The following TMEM131 variants were observed in gnomAD, a reference collection of about 807,000 sequenced individuals.
TMEM131 encodes 2610524E03Rik.
TMEM131 carries 66 observed loss-of-function variants against 211.6 expected under a neutral mutation model. That is an observed-to-expected ratio of 0.31 (90% confidence interval 0.26 to 0.38). The LOEUF (loss-of-function observed/expected upper bound fraction) is 0.38, where lower values mean the gene tolerates loss of function less well. Ranked by LOEUF, TMEM131 falls within the 10% of genes least tolerant of loss-of-function variation. The pLI, the probability that TMEM131 is intolerant of heterozygous loss-of-function variation, is 1.00. For missense variants in TMEM131, 2,036 were observed against 2,299.3 expected, an observed-to-expected ratio of 0.89 and a Z score of 2.34; for synonymous variants, 844 against 841.3, an observed-to-expected ratio of 1.00 and a Z score of -0.06.
intron 31 of TMEM131, among the ~76,000 whole-genome samples, chr2:97,789,341 C>T (rs974901608): frequency 5.3e-5 from 8 of 152,218 alleles, no homozygotes; most frequent in Non-Finnish European, 1.2e-4. Flanking sequence ...AGACCAAGTT[C>T]CTAACAGATG....
intron 1 of TMEM131, among the ~76,000 whole-genome samples, chr2:97,946,158 C>G (rs1199311397): frequency 1.3e-5 from 2 of 151,704 alleles, no homozygotes; most frequent in East Asian, 3.8e-4. Context: ...TATATCCATA[C>G]AGTTATCTAT....
intron 4 of TMEM131, among the ~76,000 whole-genome samples, chr2:97,872,404 C>T (rs1436312618): frequency 6.6e-6 from 1 of 152,158 alleles, no homozygotes; most frequent in East Asian, 1.9e-4. Context: ...TCTCTCGGAG[C>T]TAGTGAGAAG....
chr2:97,772,789 T>C (rs1037739490), intron 32 of TMEM131, among the ~76,000 whole-genome samples: 23 of 152,168 alleles, frequency 1.5e-4, no homozygotes, highest in Admixed American at 1.3e-4. Flanking sequence ...CCCAGCTACT[T>C]GGGAGGCTGA....
chr2:97,797,424 A>G lies in TMEM131; in HGVS notation c.2811T>C (p.Ser937=), dbSNP rs1014978734. The G allele has an allele frequency of 1.2e-6, 2 of 1,612,868 alleles. No individual in the cohort carries two copies. Among genetic ancestry groups the G allele is most frequent in the East Asian group, 4.5e-5 (2 of 44,852 alleles). Residue 937 remains serine, a synonymous_variant, in exon 26 of 41, where the codon TCT becomes TCC. Transcript: ENST00000186436. ...NLILKPGEKK[S]VKVKFTPVHN... is the part of the protein sequence containing the mutation. ...GAACTGGAGTAAACTTTACTTTGAC[A>G]GATTTCTTTTCTCCAGGTTTTAAAA...
chr2:97,956,543 G>A (rs1678574131), intron 1 of TMEM131, among the ~76,000 whole-genome samples: 2 of 151,494 alleles, frequency 1.3e-5, no homozygotes, highest in South Asian at 2.1e-4. Flanking sequence ...CTCCAAAGTG[G>A]TAAAAGAAAA....
intron 32 of TMEM131, 132 bp from the exon 33 acceptor site, chr2:97,772,556 C>T (rs1161158381): frequency 2.8e-6 from 3 of 1,087,970 alleles, no homozygotes; most frequent in Non-Finnish European, 2.6e-6. Flanking sequence ...AAACTCGTTT[C>T]TTCAAATCTG....
chr2:97,896,664 C>T (rs1366658622), intron 3 of TMEM131, among the ~76,000 whole-genome samples: 1 of 152,124 alleles, frequency 6.6e-6, no homozygotes, highest in Non-Finnish European at 1.5e-5. Flanking sequence ...TCTGTTTCAT[C>T]AGAGACTAGG....
At chr2:97,796,081 C>A in intron 28 of TMEM131, 137 bp downstream of exon 28, 4 of 530,554 alleles carry the variant, frequency 7.5e-6, no homozygotes, top group South Asian at 3.7e-5. Context: ...GAAGAAATAC[C>A]TTAGCCAAAG....
At chr2:97,780,101 A>G (rs947227285) in intron 31 of TMEM131, among the ~76,000 whole-genome samples, 22 of 152,160 alleles carry the variant, frequency 1.4e-4, no homozygotes, top group African/African-American at 4.6e-4. Context: ...CCTGGCTTTT[A>G]GGTATAAATT....
At chr2:97,988,337 G>C (rs1433174197) in intron 1 of TMEM131, among the ~76,000 whole-genome samples, 1 of 152,098 alleles carries the variant, frequency 6.6e-6, no homozygotes, top group Non-Finnish European at 1.5e-5. Context: ...CGAAACATAA[G>C]ACCCAAAACT....
intron 36 of TMEM131, 173 bp from the exon 37 acceptor site, chr2:97,761,087 CAGAGAT>C (rs1678815649): frequency 2.6e-6 from 2 of 760,776 alleles, no homozygotes; most frequent in Non-Finnish European, 4.2e-6. Context: ...CTTAATCAGA[CAGAGAT>C]AGAGGGCTTT....
At position 97,814,371 on chromosome 2, in the gene TMEM131, T is replaced by C. The variant is rs747825428; in HGVS notation, c.1310A>G (p.His437Arg). Residue 437 changes from histidine to arginine, a missense_variant, in exon 14 of 41, where the codon CAT (histidine) becomes CGT (arginine). Coordinates refer to ENST00000186436, the MANE Select transcript of TMEM131 (RefSeq NM_015348.2). ...TCGGATGTGAAATAATGTTGCAGCA[T>C]GATCAAATCCCAAATAACTATTAAA... ...EVLDGYLGFD[H>R]AATLFHIRDS... 7 of 1,606,650 alleles carry C rather than the reference T, an allele frequency of 4.4e-6. No individual in the cohort carries two copies. Among genetic ancestry groups the C allele is most frequent in the South Asian group, 3.4e-5 (3 of 89,178 alleles).
Position 97,854,126 on chromosome 2 carries a change from G to A in TMEM131, c.483+5178C>T, listed in dbSNP as rs189245972. ...TGTCTTATTTTAAGCAACTGTCACG[G>A]CCATCCCAACCTTCAGCAACCACTA... On this transcript the variant is annotated intron_variant, in intron 5 of 40. Coordinates refer to ENST00000186436, the MANE Select transcript of TMEM131 (RefSeq NM_015348.2). 3.3e-5 allele frequency among the ~76,000 whole-genome samples: 5 copies of A among 152,266 alleles called. No individual in the cohort carries two copies. The East Asian group carries it at 9.6e-4, about 29-fold the overall frequency.
At chr2:97,786,575 T>A (rs1186156884) in intron 31 of TMEM131, among the ~76,000 whole-genome samples, 1 of 152,192 alleles carries the variant, frequency 6.6e-6, no homozygotes, top group African/African-American at 2.4e-5. Context: ...AACATTTGTC[T>A]CTGACTGTGG....
chr2:97,894,815 AAC>A (rs1675535336), intron 3 of TMEM131, among the ~76,000 whole-genome samples: 1 of 152,176 alleles, frequency 6.6e-6, no homozygotes, highest in Non-Finnish European at 1.5e-5. Flanking sequence ...TTCATCTGCG[AAC>A]AGAGACAACT....
At chr2:97,865,693 A>G (rs1024292195) in intron 4 of TMEM131, among the ~76,000 whole-genome samples, 1 of 152,138 alleles carries the variant, frequency 6.6e-6, no homozygotes, top group Non-Finnish European at 1.5e-5. Flanking sequence ...GTATTTGTCT[A>G]TATTTTCTTG....
chr2:97,870,573 A>C (rs1042839244), intron 4 of TMEM131, among the ~76,000 whole-genome samples: 1 of 152,204 alleles, frequency 6.6e-6, no homozygotes. Context: ...CAAAAGAATT[A>C]GAAAGCAGCA....
intron 1 of TMEM131, among the ~76,000 whole-genome samples, chr2:97,957,247 A>G (rs79614590): frequency 6.6e-6 from 1 of 152,254 alleles, no homozygotes; most frequent in African/African-American, 2.4e-5. Flanking sequence ...TAATGTTTAC[A>G]TAAAAACAAA....
rs1435339543 is a variant in TMEM131 at position 97,762,166 on chromosome 2, G to A, written c.4758C>T (p.Thr1586=). 1 of 1,613,958 alleles carries A rather than the reference G, an allele frequency of 6.2e-7. No homozygotes were observed. Among genetic ancestry groups the A allele is most frequent in the African/African-American group, 1.3e-5 (1 of 75,038 alleles). The change falls in exon 36 of 41, where the codon ACC becomes ACT. Residue 1586 remains threonine (T), a synonymous_variant. Coordinates refer to ENST00000186436, the MANE Select transcript of TMEM131 (RefSeq NM_015348.2). ...GTTTTAAGAAAATGTCTGCGTTGAGGGTTTGCAGAGAAAGTTTATAAAGAC... is the reference window on the plus strand; with the variant it reads ...GTTTTAAGAAAATGTCTGCGTTGAGAGTTTGCAGAGAAAGTTTATAAAGAC... ...TDSLYKLSLQ[T]LNADIFLKQR... is the part of the protein sequence containing the mutation.
Sources: allele counts gnomAD v4.1 joint callset (sites outside exome capture counted in the v4.1 genomes callset), GRCh38; gene constraint gnomAD v4.1.1; transcripts MANE v1.5; gene names NCBI Gene and HGNC (gene_info 2026-07-23, HGNC 2026-07-21).